The following KLF9 variants were observed in gnomAD, a reference collection of about 807,000 sequenced individuals.
KLF9 encodes the protein KLF transcription factor 9.
A neutral mutation model predicts 17.3 loss-of-function variants in KLF9; 2 were observed. The observed-to-expected ratio is 0.12, with a 90% CI of 0.05 to 0.36. KLF9 has a LOEUF of 0.36. KLF9 is among the 10% of genes least tolerant of loss of function. The pLI, the probability that KLF9 is intolerant of heterozygous loss-of-function variation, is 1.00. For synonymous variants in KLF9, 138 were observed against 139.2 expected, an observed-to-expected ratio of 0.99 and a Z score of 0.06; for missense variants, 226 against 333.2, an observed-to-expected ratio of 0.68 and a Z score of 2.51.
chr9:70,413,472 G>C lies in KLF9; in HGVS notation c.-109C>G, dbSNP rs1274046757. The C allele has an allele frequency of 1.7e-6, 2 of 1,177,202 alleles. No homozygotes were observed. Among genetic ancestry groups the C allele is most frequent in the Middle Eastern group, 3.2e-4 (1 of 3,100 alleles). 72.9% of individuals were successfully genotyped at this position (1,177,202 alleles called of 1,614,324 possible). On this transcript the variant is annotated 5_prime_UTR_variant, in exon 1 of 2. Transcript: ENST00000377126. This position sits in a 1 kb window ranked among gnomAD's most constrained non-coding sequence, Gnocchi z 5.6. The stretch of plus-strand genomic sequence containing the variant: ...CGACGAGCGCGGCGCGGCGCGGCAC[G>C]GCGCGGCGGCCAAGGGGGCGGGGGC...
rs748092583 is a variant in KLF9, at chr9:70,413,415, G to T, written c.-52C>A. 3 of 1,446,148 alleles carry T rather than the reference G, an allele frequency of 2.1e-6. No homozygotes were observed. The East Asian group carries it at 7.6e-5, about 37-fold the overall frequency. 89.6% of individuals were successfully genotyped at this position (1,446,148 alleles called of 1,614,324 possible). A position where few individuals can be genotyped will look rare whatever the true frequency, so the allele number is the denominator to read the frequency against. On this transcript the variant is annotated 5_prime_UTR_variant, in exon 1 of 2. Coordinates refer to ENST00000377126, the MANE Select transcript of KLF9 (RefSeq NM_001206.4). The surrounding 1 kb of genome is among the most constrained non-coding windows in gnomAD (Gnocchi z 5.6). The stretch of plus-strand genomic sequence containing the variant: ...CGCGGACAAACTTGGCGGTGGCTGC[G>T]GAGGTTCGGCTCGCCCTGCCCTGGC...
Position 70,401,138 on chromosome 9 carries a change from A to T in KLF9, c.505+11721T>A, listed in dbSNP as rs972559017. Among the ~76,000 whole-genome samples the T allele has an allele frequency of 5.3e-5, 8 of 150,122 alleles. 1 individual carries two copies. The South Asian group carries it at 1.1e-3, about 20-fold the overall frequency. ...CACTTGAGGCCAGGAGTTCGAGACC[A>T]GCCTGAGCAATATAGCGAGATCCCA... On this transcript the variant is annotated intron_variant, in intron 1 of 1. Coordinates refer to ENST00000377126, the MANE Select transcript of KLF9 (RefSeq NM_001206.4).
intron 1 of KLF9, among the ~76,000 whole-genome samples, chr9:70,399,626 G>A (rs13284116): frequency 0.019 from 2,965 of 152,316 alleles, 120 homozygotes; most frequent in Admixed American, 0.098. Flanking sequence ...GGCAGATGAC[G>A]TGCCCAAGGA....
At chr9:70,404,611 A>G (rs1297185717) in intron 1 of KLF9, among the ~76,000 whole-genome samples, 2 of 151,188 alleles carry the variant, frequency 1.3e-5, no homozygotes, top group Admixed American at 6.6e-5. Context: ...TCTCAAAATC[A>G]TAATAATAAT....
At chr9:70,394,002 G>C (rs1408483559) in intron 1 of KLF9, among the ~76,000 whole-genome samples, 1 of 138,030 alleles carries the variant, frequency 7.2e-6, no homozygotes, top group Non-Finnish European at 1.5e-5. Context: ...GCCTGGGTGA[G>C]AGTGAGACTG....
chr9:70,394,272 A>G (rs2037169025), intron 1 of KLF9, among the ~76,000 whole-genome samples: 2 of 139,564 alleles, frequency 1.4e-5, no homozygotes, highest in Admixed American at 1.5e-4. Context: ...AATCATACTG[A>G]TATTATTCCC....
At chr9:70,412,583 G>A (rs1587744909) in intron 1 of KLF9, among the ~76,000 whole-genome samples, 1 of 152,162 alleles carries the variant, frequency 6.6e-6, no homozygotes, top group Non-Finnish European at 1.5e-5. Context: ...GGGCGGGACA[G>A]GGGAGGGGCG....
intron 1 of KLF9, among the ~76,000 whole-genome samples, chr9:70,406,956 G>A (rs937217688): frequency 6.7e-6 from 1 of 149,686 alleles, no homozygotes; most frequent in Non-Finnish European, 1.5e-5. Flanking sequence ...ATGCGACAAA[G>A]CTTTTTTTTT....
At chr9:70,398,775 A>G (rs1342688832) in intron 1 of KLF9, among the ~76,000 whole-genome samples, 1 of 152,070 alleles carries the variant, frequency 6.6e-6, no homozygotes, top group African/African-American at 2.4e-5. Flanking sequence ...TATAAGGATG[A>G]GCCACTGTGC....
intron 1 of KLF9, among the ~76,000 whole-genome samples, chr9:70,395,405 C>G (rs1177043885): frequency 6.8e-6 from 1 of 147,114 alleles, no homozygotes; most frequent in Admixed American, 6.8e-5. Flanking sequence ...GGAATAGAGA[C>G]TTTCTAAACA....
At position 70,413,523 on chromosome 9, in the gene KLF9, C is replaced by G; in HGVS notation, c.-160G>C. 1 of 655,636 alleles carries G rather than the reference C, an allele frequency of 1.5e-6. No individual in the cohort carries two copies. Among genetic ancestry groups the G allele is most frequent in the Non-Finnish European group, 2.1e-6 (1 of 480,410 alleles). 40.6% of individuals were successfully genotyped at this position (655,636 alleles called of 1,614,324 possible). A position where few individuals can be genotyped will look rare whatever the true frequency, so the allele number is the denominator to read the frequency against. On this transcript the variant is annotated 5_prime_UTR_variant, in exon 1 of 2. Transcript: ENST00000377126. The surrounding 1 kb of genome is among the most constrained non-coding windows in gnomAD (Gnocchi z 5.6). ...GCGGGGCGCTTCCGACTCGCAGGAGCGCCGAGGCGACCTCAGCCCCTCATC... is the reference window on the plus strand; with the variant it reads ...GCGGGGCGCTTCCGACTCGCAGGAGGGCCGAGGCGACCTCAGCCCCTCATC...
At chr9:70,408,203 GT>G (rs2037270740) in intron 1 of KLF9, among the ~76,000 whole-genome samples, 1 of 152,058 alleles carries the variant, frequency 6.6e-6, no homozygotes, top group South Asian at 2.1e-4. Flanking sequence ...GTGAAACCCT[GT>G]CTCTACTAAA....
At chr9:70,401,111 A>T (rs1314497698) in intron 1 of KLF9, among the ~76,000 whole-genome samples, 2 of 150,646 alleles carry the variant, frequency 1.3e-5, no homozygotes, top group African/African-American at 4.9e-5. Context: ...GAGCAGGAGG[A>T]TCACTTGAGG....
intron 1 of KLF9, among the ~76,000 whole-genome samples, chr9:70,401,718 A>G (rs186760234): frequency 4.0e-5 from 6 of 151,038 alleles, no homozygotes; most frequent in African/African-American, 1.5e-4. Flanking sequence ...AAAGAAAAGA[A>G]AAGAAAAAAA....
rs1037891414 is a variant in KLF9 at position 70,387,740 on chromosome 9, G to A, written c.*36C>T. On this transcript the variant is annotated 3_prime_UTR_variant, in exon 2 of 2. Transcript: ENST00000377126. ...TTCCTGGGAGTACTTTTCTCCTTTC[G>A]GGGTCCATCCCTCCCTGGCTTCCAC... 3 of 1,588,218 alleles carry A rather than the reference G, an allele frequency of 1.9e-6. No homozygotes were observed. The highest frequency in any genetic ancestry group is 1.7e-5 in the Admixed American group (1 of 59,878).
rs1038836427 is a variant in KLF9 at position 70,413,034 on chromosome 9, G to A, written c.330C>T (p.Ser110=). The A allele has an allele frequency of 1.9e-6, 3 of 1,614,020 alleles. No individual in the cohort carries two copies. The highest frequency in any genetic ancestry group is 1.3e-5 in the African/African-American group (1 of 74,932). The change falls in exon 1 of 2, where the codon AGC becomes AGT. Residue 110 remains serine, a synonymous_variant. Coordinates refer to ENST00000377126, the MANE Select transcript of KLF9 (RefSeq NM_001206.4). This position sits in a 1 kb window ranked among gnomAD's most constrained non-coding sequence, Gnocchi z 5.6. Reference sequence around the variant, plus strand: ...TGCCAGGATCCTGTCTCTCCTCCGGGCTGTGGGAAGGACTCGACCCAGATT... The same window carrying A: ...TGCCAGGATCCTGTCTCTCCTCCGGACTGTGGGAAGGACTCGACCCAGATT... ...TTESGSSPSH[S]PEERQDPGSA... is the part of the protein sequence containing the mutation.
intron 1 of KLF9, among the ~76,000 whole-genome samples, chr9:70,397,254 C>T (rs557251891): frequency 3.9e-5 from 6 of 152,138 alleles, no homozygotes; most frequent in African/African-American, 7.2e-5. Flanking sequence ...GGGGGTGGAT[C>T]GCTTGAGGTG....
intron 1 of KLF9, among the ~76,000 whole-genome samples, chr9:70,409,032 A>G (rs1284502826): frequency 7.6e-6 from 1 of 131,616 alleles, no homozygotes; most frequent in Non-Finnish European, 1.6e-5. Flanking sequence ...GTATATATAT[A>G]TATGTGTATA....
chr9:70,393,265 A>G (rs1225400565), intron 1 of KLF9, among the ~76,000 whole-genome samples: 1 of 152,204 alleles, frequency 6.6e-6, no homozygotes, highest in Non-Finnish European at 1.5e-5. Flanking sequence ...CTTAGCACAA[A>G]AGGACACTTG....
Sources: allele counts gnomAD v4.1 joint callset (sites outside exome capture counted in the v4.1 genomes callset), GRCh38; gene constraint gnomAD v4.1.1; non-coding constraint Gnocchi (gnomAD v3.1); transcripts MANE v1.5; gene names NCBI Gene and HGNC (gene_info 2026-07-23, HGNC 2026-07-21).